Variants in SLC9A9 observed in about 807,000 individuals in gnomAD.
SLC9A9 encodes solute carrier family 9 member A9.
Under a neutral mutation model 77.8 loss-of-function variants are expected in SLC9A9, and 62 were observed. The ratio of observed to expected loss-of-function variants is 0.80; its 90% CI spans 0.65 to 0.98. The LOEUF (loss-of-function observed/expected upper bound fraction) is 0.98, where lower values mean the gene tolerates loss of function less well. SLC9A9 is among the 50% of genes least tolerant of loss of function. The pLI is 0.00. For missense variants in SLC9A9, 775 were observed against 774.9 expected (o/e 1.00, Z 0.00); for synonymous variants, 320 against 283.5 (o/e 1.13, Z -1.29).
At chr3:143,391,597 T>A (rs191513940) in intron 12 of SLC9A9, among the ~76,000 whole-genome samples, 2 of 152,190 alleles carry the variant, frequency 1.3e-5, no homozygotes, top group Non-Finnish European at 2.9e-5. Flanking sequence ...CAAAGCTGGA[T>A]GGAAAATGAC....
intron 9 of SLC9A9, among the ~76,000 whole-genome samples, chr3:143,546,420 A>G (rs1011047495): frequency 1.3e-5 from 2 of 152,248 alleles, no homozygotes; most frequent in Non-Finnish European, 2.9e-5. Context: ...GAAAACATCT[A>G]TGTCCATCCC....
At chr3:143,603,714 A>G (rs2108689140) in intron 6 of SLC9A9, among the ~76,000 whole-genome samples, 1 of 152,368 alleles carries the variant, frequency 6.6e-6, no homozygotes. Context: ...CTGTGAGATC[A>G]TAAATGTTTG....
intron 14 of SLC9A9, among the ~76,000 whole-genome samples, chr3:143,342,435 T>C (rs75903440): frequency 0.047 from 7,158 of 152,294 alleles, 329 homozygotes; most frequent in African/African-American, 0.12. Flanking sequence ...TCCACCCTTA[T>C]GACCAGCAGA....
intron 4 of SLC9A9, among the ~76,000 whole-genome samples, chr3:143,775,215 G>A (rs1198390944): frequency 6.6e-6 from 1 of 152,076 alleles, no homozygotes; most frequent in Non-Finnish European, 1.5e-5. Context: ...AAGAGGAAAA[G>A]GATTAGACTG....
intron 4 of SLC9A9, among the ~76,000 whole-genome samples, chr3:143,730,616 G>A (rs1445486819): frequency 2.0e-5 from 3 of 152,260 alleles, no homozygotes; most frequent in South Asian, 2.1e-4. Flanking sequence ...ATATTCCTGT[G>A]TTAAATGACT....
At chr3:143,714,692 C>T (rs1934286342) in intron 4 of SLC9A9, among the ~76,000 whole-genome samples, 2 of 152,216 alleles carry the variant, frequency 1.3e-5, no homozygotes, top group Non-Finnish European at 2.9e-5. Flanking sequence ...TCCACCAAAG[C>T]ATGTGCCCCA....
chr3:143,541,496 AAAT>A (rs1305488727), intron 9 of SLC9A9, among the ~76,000 whole-genome samples: 1 of 152,212 alleles, frequency 6.6e-6, no homozygotes, highest in East Asian at 1.9e-4. Context: ...AAACTATACG[AAAT>A]AATAATACAA....
rs948232060 is a variant in SLC9A9, at chr3:143,759,635, C to A, written c.533+35366G>T. 4.0e-5 allele frequency among the ~76,000 whole-genome samples: 6 copies of A among 151,846 alleles called. No individual in the cohort carries two copies. The South Asian group carries it at 1.0e-3, about 26-fold the overall frequency. ...CCGGATGCAATGAGACCTCCTCTAT[C>A]CTCATAAGAAATACCCCCGTTTTTT... On this transcript the variant is annotated intron_variant, in intron 4 of 15. Transcript: ENST00000316549.
At chr3:143,415,911 A>G (rs1311729115) in intron 12 of SLC9A9, among the ~76,000 whole-genome samples, 2 of 152,216 alleles carry the variant, frequency 1.3e-5, no homozygotes, top group Non-Finnish European at 1.5e-5. Flanking sequence ...TGCCATTAAG[A>G]ACATTCATGA....
At chr3:143,697,411 A>G (rs1933672805) in intron 4 of SLC9A9, among the ~76,000 whole-genome samples, 1 of 152,194 alleles carries the variant, frequency 6.6e-6, no homozygotes, top group South Asian at 2.1e-4. Flanking sequence ...CCATAATAAA[A>G]ACAAAGAACA....
intron 6 of SLC9A9, among the ~76,000 whole-genome samples, chr3:143,586,410 A>T (rs1053797991): frequency 9.2e-5 from 14 of 151,650 alleles, no homozygotes; most frequent in African/African-American, 3.4e-4. Flanking sequence ...GCTTTTAAAG[A>T]CACATTTTAA....
rs62279703 is a variant in SLC9A9 at position 143,281,131 on chromosome 3, C to T, written c.1605-12151G>A. ...ACTTCTACACTGAAACACAGGAAGC[C>T]AGCAGGCTGACCCTCTCCCTGTTAC... On this transcript the variant is annotated intron_variant, in intron 14 of 15. Transcript: ENST00000316549. Among the ~76,000 whole-genome samples, 1,146 of 152,264 alleles carry T rather than the reference C, an allele frequency of 7.5e-3. 4 individuals carry two copies. Among genetic ancestry groups the T allele is most frequent in the Middle Eastern group, 0.027 (8 of 294 alleles).
At chr3:143,677,700 T>G (rs1187780010) in intron 5 of SLC9A9, among the ~76,000 whole-genome samples, 3 of 152,214 alleles carry the variant, frequency 2.0e-5, no homozygotes, top group African/African-American at 7.2e-5. Context: ...TGCCAAACTG[T>G]TAGGGGTAAA....
chr3:143,691,225 AT>A, intron 5 of SLC9A9, among the ~76,000 whole-genome samples: 1 of 151,974 alleles, frequency 6.6e-6, no homozygotes, highest in Non-Finnish European at 1.5e-5. Context: ...ACACAAGGCT[AT>A]TTTTTTAATT....
intron 5 of SLC9A9, among the ~76,000 whole-genome samples, chr3:143,670,400 G>C (rs972670505): frequency 1.1e-4 from 16 of 152,208 alleles, no homozygotes; most frequent in Non-Finnish European, 1.9e-4. Flanking sequence ...AAGTGATCAT[G>C]AGTTTAACAC....
intron 6 of SLC9A9, among the ~76,000 whole-genome samples, chr3:143,580,745 T>A (rs2108665018): frequency 6.6e-6 from 1 of 152,326 alleles, no homozygotes; most frequent in East Asian, 1.9e-4. Context: ...CAGGGTATGA[T>A]CACTTTGTTC....
intron 14 of SLC9A9, among the ~76,000 whole-genome samples, chr3:143,307,492 G>C (rs536035005): frequency 4.3e-4 from 66 of 152,348 alleles, no homozygotes; most frequent in Non-Finnish European, 6.6e-4. Flanking sequence ...GGCTCGCAAA[G>C]TGTAGTAACT....
At chr3:143,448,583 T>C (rs148774638) in intron 12 of SLC9A9, among the ~76,000 whole-genome samples, 2 of 152,066 alleles carry the variant, frequency 1.3e-5, no homozygotes, top group East Asian at 3.9e-4. Context: ...GAGATTACAT[T>C]GCTGGTGTTT....
chr3:143,631,426 T>C (rs2038421150), intron 6 of SLC9A9, among the ~76,000 whole-genome samples: 1 of 152,182 alleles, frequency 6.6e-6, no homozygotes, highest in Non-Finnish European at 1.5e-5. Context: ...TTCTATTATT[T>C]AAACAGCTTT....
Sources: gnomAD v4.1 joint callset for allele counts (sites outside exome capture counted in the v4.1 genomes callset) on GRCh38, gnomAD v4.1.1 for gene constraint, MANE v1.5 for transcripts, NCBI Gene and HGNC (gene_info 2026-07-23, HGNC 2026-07-21) for gene names.